Variants in TECRL observed in about 807,000 individuals in gnomAD.
TECRL encodes the protein trans-2,3-enoyl-CoA reductase like.
Under a neutral mutation model 52.8 loss-of-function variants are expected in TECRL, and 63 were observed. The observed-to-expected ratio is 1.19, with a 90% CI of 0.97 to 1.47. TECRL has a LOEUF of 1.47. Ranked by LOEUF, TECRL falls within the 40% of genes most tolerant of loss-of-function variation. TECRL has a pLI of 0.00. For synonymous variants in TECRL, 164 were observed against 141.9 expected (o/e 1.16, Z -1.10); for missense variants, 482 against 429.6 (o/e 1.12, Z -1.08).
At chr4:64,296,273 G>T (rs1222507365) in intron 8 of TECRL, among the ~76,000 whole-genome samples, 2 of 151,706 alleles carry the variant, frequency 1.3e-5, no homozygotes, top group Non-Finnish European at 3.0e-5. Context: ...ATGATACATT[G>T]TTCCCAGCGC....
intron 2 of TECRL, among the ~76,000 whole-genome samples, chr4:64,354,250 G>T (rs774510926): frequency 3.3e-5 from 5 of 152,064 alleles, no homozygotes; most frequent in Non-Finnish European, 7.4e-5. Flanking sequence ...AGAATTTGAA[G>T]TTGTAGAAAA....
chr4:64,356,903 G>A lies in TECRL; in HGVS notation c.286+18269C>T, dbSNP rs150293778. On this transcript the variant is annotated intron_variant, in intron 2 of 11. Transcript: ENST00000381210. ...GTTCATTAAAGAAAGTTGGATGGAGGAGATTAATTTACAGATGCATTTGAT... is the reference window on the plus strand; with the variant it reads ...GTTCATTAAAGAAAGTTGGATGGAGAAGATTAATTTACAGATGCATTTGAT... 3.1e-4 allele frequency among the ~76,000 whole-genome samples: 47 copies of A among 152,248 alleles called. 1 individual carries two copies. Among genetic ancestry groups the A allele is most frequent in the African/African-American group, 1.1e-3 (45 of 41,532 alleles).
At chr4:64,329,991 TGTACAGTAAAATA>T (rs1194206101) in intron 2 of TECRL, among the ~76,000 whole-genome samples, 3 of 151,758 alleles carry the variant, frequency 2.0e-5, no homozygotes, top group African/African-American at 4.8e-5. Flanking sequence ...TACTATTTAC[TGTACAGTAAAATA>T]GTACTATTTT....
At chr4:64,327,916 A>T (rs1323506538) in intron 3 of TECRL, among the ~76,000 whole-genome samples, 1 of 151,956 alleles carries the variant, frequency 6.6e-6, no homozygotes, top group East Asian at 1.9e-4. Context: ...TCCTGAAAAA[A>T]AGTACATGCT....
chr4:64,354,893 A>C (rs745755255), intron 2 of TECRL, among the ~76,000 whole-genome samples: 7 of 152,304 alleles, frequency 4.6e-5, no homozygotes, highest in Non-Finnish European at 8.8e-5. Context: ...AATAAAATTC[A>C]GTTTTAACTA....
chr4:64,364,794 C>T (rs1259145067), intron 2 of TECRL, among the ~76,000 whole-genome samples: 1 of 151,978 alleles, frequency 6.6e-6, no homozygotes, highest in East Asian at 1.9e-4. Flanking sequence ...AAGCCCTAGC[C>T]AGACAGAATT....
intron 5 of TECRL, among the ~76,000 whole-genome samples, chr4:64,313,192 T>C (rs1043666796): frequency 2.6e-5 from 4 of 152,096 alleles, no homozygotes; most frequent in African/African-American, 4.8e-5. Context: ...GGTAAGAAAG[T>C]TAGGATGAAA....
At position 64,364,966 on chromosome 4, in the gene TECRL, G is replaced by A. The variant is rs567836221; in HGVS notation, c.286+10206C>T. On this transcript the variant is annotated intron_variant, in intron 2 of 11. Coordinates refer to ENST00000381210, the MANE Select transcript of TECRL (RefSeq NM_001010874.5). ...GAGACATAACAAAATAAGAAAACCT[G>A]AGGACAATAACCCCGATGAAGATAT... 4.6e-5 allele frequency among the ~76,000 whole-genome samples: 7 copies of A among 151,930 alleles called. No homozygotes were observed. The East Asian group carries it at 7.8e-4, about 17-fold the overall frequency.
chr4:64,396,111 G>A lies in TECRL; in HGVS notation c.234+13007C>T, dbSNP rs892559023. Among the ~76,000 whole-genome samples the A allele has an allele frequency of 2.6e-5, 4 of 151,126 alleles. No individual in the cohort carries two copies. The South Asian group carries it at 8.4e-4, about 32-fold the overall frequency. On this transcript the variant is annotated intron_variant, in intron 1 of 11. Transcript: ENST00000381210. ...AGGTTGATTCCATGTCTTTGCTATT[G>A]TGAATACTGCTGTGATGAATATACA...
At chr4:64,339,380 A>C (rs1719377507) in intron 2 of TECRL, among the ~76,000 whole-genome samples, 1 of 151,942 alleles carries the variant, frequency 6.6e-6, no homozygotes, top group Non-Finnish European at 1.5e-5. Context: ...AACATGGCAC[A>C]TGTATACATA....
At chr4:64,282,016 A>T (rs2109926308) in intron 9 of TECRL, among the ~76,000 whole-genome samples, 1 of 152,062 alleles carries the variant, frequency 6.6e-6, no homozygotes, top group South Asian at 2.1e-4. Context: ...GGTGAAAGTC[A>T]TAAGGAATTT....
At chr4:64,341,913 A>G (rs1719602842) in intron 2 of TECRL, among the ~76,000 whole-genome samples, 1 of 148,938 alleles carries the variant, frequency 6.7e-6, no homozygotes, top group Non-Finnish European at 1.5e-5. Context: ...CTGACTGTGG[A>G]GTGGCCTGAT....
intron 1 of TECRL, among the ~76,000 whole-genome samples, chr4:64,395,283 A>C (rs549884311): frequency 5.0e-4 from 76 of 152,250 alleles, no homozygotes; most frequent in Non-Finnish European, 9.3e-4. Flanking sequence ...TTAATACTTA[A>C]TCAATTGCAT....
chr4:64,379,535 G>A (rs557772222), intron 1 of TECRL, among the ~76,000 whole-genome samples: 7 of 152,114 alleles, frequency 4.6e-5, no homozygotes, highest in African/African-American at 1.2e-4. Context: ...TATGTTAATT[G>A]TTAATTATAG....
At position 64,409,266 on chromosome 4, in the gene TECRL, T is replaced by TGATGA. The variant is rs1724942146; in HGVS notation, c.85_86insTCATC (p.Asp29ValfsTer4). 4.3e-6 allele frequency: 7 copies of TGATGA among 1,613,722 alleles called. No homozygotes were observed. The highest frequency in any genetic ancestry group is 5.9e-6 in the Non-Finnish European group (7 of 1,179,762). On this transcript the variant is annotated frameshift_variant, in exon 1 of 12. Coordinates refer to ENST00000381210, the MANE Select transcript of TECRL (RefSeq NM_001010874.5). LOFTEE classifies it high-confidence loss of function. ...TGACAAAAAGTGAAAATTTCTCATA[T>TGATGA]CATCCTTCAGTATGAACCGTGTAGC...
At chr4:64,289,996 A>T (rs556847617) in intron 8 of TECRL, among the ~76,000 whole-genome samples, 15 of 152,246 alleles carry the variant, frequency 9.9e-5, no homozygotes, top group African/African-American at 3.6e-4. Context: ...TTCTGAAGAT[A>T]TTTTTCACGC....
intron 1 of TECRL, among the ~76,000 whole-genome samples, chr4:64,399,196 T>C (rs1724171782): frequency 6.6e-6 from 1 of 152,144 alleles, no homozygotes; most frequent in Admixed American, 6.5e-5. Flanking sequence ...GAGTGTATTC[T>C]CTCCCTGGGA....
At position 64,409,297 on chromosome 4, in the gene TECRL, G is replaced by T. The variant is rs778546497; in HGVS notation, c.55C>A (p.Gln19Lys). 6.2e-7 allele frequency: 1 copy of T among 1,613,398 alleles called. No homozygotes were observed. The highest frequency in any genetic ancestry group is 2.2e-5 in the East Asian group (1 of 44,816). ...TTCAGTATGAACCGTGTAGCTCTTT[G>T]GGAAAGTAATGCTCTCTTGCGTTCC... ...ASERKRALLS[Q>K]RATRFILKDD... Residue 19 changes from glutamine to lysine, a missense_variant, in exon 1 of 12, where the codon CAA (glutamine) becomes AAA (lysine). By Grantham distance (53) the Gln-to-Lys change is moderately conservative. Coordinates refer to ENST00000381210, the MANE Select transcript of TECRL (RefSeq NM_001010874.5).
intron 2 of TECRL, among the ~76,000 whole-genome samples, chr4:64,368,615 A>C (rs1057394066): frequency 1.5e-4 from 23 of 152,068 alleles, no homozygotes; most frequent in African/African-American, 5.6e-4. Context: ...TTTTTAACCC[A>C]ACAAACTAGA....
Sources: gnomAD v4.1 joint callset for allele counts (sites outside exome capture counted in the v4.1 genomes callset) on GRCh38, gnomAD v4.1.1 for gene constraint, MANE v1.5 for transcripts, NCBI Gene and HGNC (gene_info 2026-07-23, HGNC 2026-07-21) for gene names.